Variants in PIK3C2G observed in about 807,000 individuals in gnomAD.
PIK3C2G encodes the protein phosphatidylinositol-4-phosphate 3-kinase catalytic subunit type 2 gamma.
Under a neutral mutation model 181.1 loss-of-function variants are expected in PIK3C2G, and 168 were observed. That is an observed-to-expected ratio of 0.93 (90% CI 0.82 to 1.05). The LOEUF (loss-of-function observed/expected upper bound fraction) is 1.05, where lower values mean the gene tolerates loss of function less well. PIK3C2G is among the 50% of genes least tolerant of loss of function. The pLI is 0.00. For synonymous variants in PIK3C2G, 573 were observed against 592.2 expected (o/e 0.97, Z 0.47); for missense variants, 1,869 against 1,732.8 (o/e 1.08, Z -1.40).
chr12:18,357,060 A>G (rs554784502), intron 11 of PIK3C2G, among the ~76,000 whole-genome samples: 109 of 152,256 alleles, frequency 7.2e-4, no homozygotes, highest in South Asian at 3.1e-3. Context: ...ATCACATTAA[A>G]TTGTTAGGCA....
At chr12:18,486,932 G>C (rs1279057983) in intron 18 of PIK3C2G, among the ~76,000 whole-genome samples, 2 of 152,136 alleles carry the variant, frequency 1.3e-5, no homozygotes, top group Non-Finnish European at 2.9e-5. Flanking sequence ...AGAGCTTCCA[G>C]TTAATTAATT....
chr12:18,640,461 T>C lies in PIK3C2G; in HGVS notation c.4215T>C (p.His1405=), dbSNP rs1357807419. ...HLPDGSAPSA[H]VEFYLLPYPS... The stretch of plus-strand genomic sequence containing the variant: ...CAGATGGCTCTGCGCCCAGTGCACA[T>C]GTTGAATTTTATCTTTTACCATATC... Residue 1405 remains histidine (H), a synonymous_variant, in exon 32 of 33, where the codon CAT becomes CAC. Transcript: ENST00000538779. The C allele has an allele frequency of 4.3e-6, 7 of 1,610,074 alleles. No homozygotes were observed. The highest frequency in any genetic ancestry group is 4.0e-5 in the African/African-American group (3 of 74,874).
At chr12:18,562,060 T>C (rs1945373012) in intron 26 of PIK3C2G, among the ~76,000 whole-genome samples, 1 of 152,234 alleles carries the variant, frequency 6.6e-6, no homozygotes, top group African/African-American at 2.4e-5. Context: ...TGGAATGTTG[T>C]AAATACTTTT....
intron 24 of PIK3C2G, among the ~76,000 whole-genome samples, chr12:18,520,688 ATT>A (rs1942855611): frequency 6.6e-6 from 1 of 151,920 alleles, no homozygotes; most frequent in Non-Finnish European, 1.5e-5. Flanking sequence ...GTAGCTTGCT[ATT>A]ACCCCCCTTC....
chr12:18,539,836 G>A (rs1222018097), intron 25 of PIK3C2G, among the ~76,000 whole-genome samples: 1 of 151,888 alleles, frequency 6.6e-6, no homozygotes, highest in African/African-American at 2.4e-5. Context: ...TTCTTCTTGT[G>A]TAAAGTGGAT....
At chr12:18,711,590 T>C in the PIK3C2G span, among the ~76,000 whole-genome samples, 1 of 150,628 alleles carries the variant, frequency 6.6e-6, no homozygotes, top group African/African-American at 2.4e-5. Flanking sequence ...TACTGAAGAA[T>C]TGACTGAGGG....
chr12:18,606,649 T>G (rs890391089), intron 30 of PIK3C2G, among the ~76,000 whole-genome samples: 1 of 152,138 alleles, frequency 6.6e-6, no homozygotes, highest in African/African-American at 2.4e-5. Context: ...AAAAGTTATA[T>G]ATTTGAAAAT....
chr12:18,298,664 A>T (rs1950050069), intron 5 of PIK3C2G, among the ~76,000 whole-genome samples: 1 of 151,380 alleles, frequency 6.6e-6, no homozygotes, highest in African/African-American at 2.4e-5. Context: ...TTCTTCTAGA[A>T]GTTCTATAAT....
chr12:18,479,688 C>T (rs780909231), intron 18 of PIK3C2G, among the ~76,000 whole-genome samples: 12 of 152,146 alleles, frequency 7.9e-5, no homozygotes, highest in African/African-American at 9.7e-5. Flanking sequence ...AGTGAAGAAC[C>T]AAAGCATGCA....
At chr12:18,472,431 T>A (rs1312465357) in intron 18 of PIK3C2G, among the ~76,000 whole-genome samples, 1 of 152,144 alleles carries the variant, frequency 6.6e-6, no homozygotes, top group African/African-American at 2.4e-5. Flanking sequence ...GTCTGCTTAT[T>A]CATTTTTGTA....
intron 18 of PIK3C2G, among the ~76,000 whole-genome samples, chr12:18,426,923 C>A (rs1186155230): frequency 6.6e-6 from 1 of 152,112 alleles, no homozygotes; most frequent in Non-Finnish European, 1.5e-5. Context: ...GAGGCCCTTC[C>A]ATGAATAGAC....
intron 24 of PIK3C2G, among the ~76,000 whole-genome samples, chr12:18,535,362 T>C (rs1943791385): frequency 6.6e-6 from 1 of 152,130 alleles, no homozygotes; most frequent in Non-Finnish European, 1.5e-5. Context: ...TATGATAATG[T>C]TTAAGCACAA....
chr12:18,697,098 C>T, the PIK3C2G span, among the ~76,000 whole-genome samples: 1 of 152,016 alleles, frequency 6.6e-6, no homozygotes, highest in Non-Finnish European at 1.5e-5. Flanking sequence ...TCATGCTTCT[C>T]CAAGGATTTT....
At chr12:18,356,433 GC>G (rs1940737471) in intron 11 of PIK3C2G, among the ~76,000 whole-genome samples, 1 of 152,074 alleles carries the variant, frequency 6.6e-6, no homozygotes. Flanking sequence ...ACTCCATGTG[GC>G]CCCGTGGCAG....
intron 31 of PIK3C2G, among the ~76,000 whole-genome samples, chr12:18,616,296 A>G (rs1948605276): frequency 2.6e-5 from 4 of 152,148 alleles, no homozygotes; most frequent in Non-Finnish European, 5.9e-5. Flanking sequence ...TTTTGAATAC[A>G]GTGGTTAGCA....
In PIK3C2G at chr12:18,382,957, C is replaced by T. The variant is rs998153506; in HGVS notation, c.1995+1077C>T. Among the ~76,000 whole-genome samples, 4 of 152,128 alleles carry T rather than the reference C, an allele frequency of 2.6e-5. No individual in the cohort carries two copies. In the East Asian group the frequency reaches 5.8e-4, roughly 22 times the overall value. ...ACTCTTGCAGAGGAAGATTCGACCA[C>T]GTGACACCTAAAGGTCCACTTCTAA... On this transcript the variant is annotated intron_variant, in intron 14 of 32. Coordinates refer to ENST00000538779, the MANE Select transcript of PIK3C2G (RefSeq NM_001288772.2).
chr12:18,499,893 C>T (rs957552298), intron 22 of PIK3C2G, among the ~76,000 whole-genome samples: 9 of 152,212 alleles, frequency 5.9e-5, no homozygotes, highest in Admixed American at 3.3e-4. Context: ...GCACGCCTGC[C>T]ATACTCAATT....
At chr12:18,621,825 CTAATT>C (rs993326617) in intron 31 of PIK3C2G, among the ~76,000 whole-genome samples, 21 of 151,780 alleles carry the variant, frequency 1.4e-4, no homozygotes, top group African/African-American at 4.1e-4. Context: ...CGAGACCGTG[CTAATT>C]TAATTCATAA....
At position 18,497,644 on chromosome 12, in the gene PIK3C2G, T is replaced by G; in HGVS notation, c.2912T>G (p.Met971Arg). ...GCTGGAGATGATCTTCGTCAGGATATGCTTGTTCTGCAGCTTATTCAAGTG... is the reference window on the plus strand; with the variant it reads ...GCTGGAGATGATCTTCGTCAGGATAGGCTTGTTCTGCAGCTTATTCAAGTG... ...FKAGDDLRQD[M>R]LVLQLIQVMD... Residue 971 changes from methionine to arginine, a missense_variant, in exon 22 of 33, where the codon ATG becomes AGG. Physicochemically the swap from Met to Arg is moderately conservative, Grantham distance 91. Coordinates refer to ENST00000538779, the MANE Select transcript of PIK3C2G (RefSeq NM_001288772.2). 6.2e-7 allele frequency: 1 copy of G among 1,613,058 alleles called. No individual in the cohort carries two copies. Among genetic ancestry groups the G allele is most frequent in the Non-Finnish European group, 8.5e-7 (1 of 1,179,226 alleles).
Sources: gnomAD v4.1 joint callset for allele counts (sites outside exome capture counted in the v4.1 genomes callset) on GRCh38, gnomAD v4.1.1 for gene constraint, MANE v1.5 for transcripts, NCBI Gene and HGNC (gene_info 2026-07-23, HGNC 2026-07-21) for gene names.